The following CFAP47 variants were observed in gnomAD, a reference collection of about 807,000 sequenced individuals.
The protein encoded by CFAP47 is cilia- and flagella-associated protein 47.
A neutral mutation model predicts 148.1 loss-of-function variants in CFAP47; 29 were observed. That is an observed-to-expected ratio of 0.20 (90% CI 0.15 to 0.27). The LOEUF (loss-of-function observed/expected upper bound fraction) is 0.27. Ranked by LOEUF, CFAP47 falls within the 10% of genes least tolerant of loss-of-function variation. The probability of loss-of-function intolerance (pLI) is 1.00; values close to 1 mark genes in which losing one functional copy is unlikely to be tolerated. For synonymous variants in CFAP47, 664 were observed against 577.3 expected (o/e 1.15, Z -2.15); for missense variants, 1,872 against 1,697.5 (o/e 1.10, Z -1.81).
chrX:36,202,615 C>T (rs924544998), intron 44 of CFAP47, among the ~76,000 whole-genome samples: 4 of 111,556 alleles, frequency 3.6e-5, no homozygotes, highest in Non-Finnish European at 7.5e-5. Flanking sequence ...TGGTGTCTCA[C>T]GCCTGTAATC....
intron 40 of CFAP47, among the ~76,000 whole-genome samples, chrX:36,185,590 A>G (rs1939797946): frequency 8.9e-6 from 1 of 112,223 alleles, no homozygotes; most frequent in Non-Finnish European, 1.9e-5. Flanking sequence ...TAAACACATA[A>G]GATAAGATGT....
chrX:36,281,346 T>C (rs782412077), intron 50 of CFAP47, among the ~76,000 whole-genome samples: 2 of 112,509 alleles, frequency 1.8e-5, no homozygotes, highest in South Asian at 7.3e-4. Context: ...TGTCTGTATT[T>C]GTGTGTCTGT....
At chrX:36,017,462 G>A (rs1440820325) in intron 22 of CFAP47, among the ~76,000 whole-genome samples, 1 of 112,014 alleles carries the variant, frequency 8.9e-6, no homozygotes, top group Non-Finnish European at 1.9e-5. Context: ...ATTTTTGCCT[G>A]GACCAATGTC....
At chrX:36,035,648 C>G (rs1157413259) in intron 23 of CFAP47, 47 bp from the exon 24 acceptor site, 1 of 288,473 alleles carries the variant, frequency 3.5e-6, no homozygotes, top group Non-Finnish European at 6.1e-6. Flanking sequence ...CTTTAGATTG[C>G]ATGCTATAAT....
At chrX:36,204,321 A>G (rs1425442471) in intron 44 of CFAP47, among the ~76,000 whole-genome samples, 9 of 110,958 alleles carry the variant, frequency 8.1e-5, no homozygotes, top group African/African-American at 2.6e-4. Context: ...TCAGCAAACT[A>G]TCGCAAGAAC....
chrX:36,167,724 GAAACTAA>G (rs1344008059), intron 39 of CFAP47, among the ~76,000 whole-genome samples: 1 of 111,822 alleles, frequency 8.9e-6, no homozygotes, highest in Non-Finnish European at 1.9e-5. Context: ...AAAACAGTCT[GAAACTAA>G]GTTTCTTTTT....
At chrX:36,068,291 C>A (rs749545531) in intron 27 of CFAP47, among the ~76,000 whole-genome samples, 1 of 112,110 alleles carries the variant, frequency 8.9e-6, no homozygotes, top group East Asian at 2.8e-4. Flanking sequence ...TGTCATAGCC[C>A]TTACTACATT....
chrX:36,325,275 A>G (rs1941509077), intron 57 of CFAP47, among the ~76,000 whole-genome samples: 1 of 111,593 alleles, frequency 9.0e-6, no homozygotes, highest in African/African-American at 3.3e-5. Flanking sequence ...TTACAACACT[A>G]TAAGATAAAT....
chrX:35,919,743 C>T lies in CFAP47; in HGVS notation c.-57C>T. 8.7e-7 allele frequency: 1 copy of T among 1,151,538 alleles called. No homozygotes were observed. The highest frequency in any genetic ancestry group is 2.0e-5 in the South Asian group (1 of 49,348). The allele number at this position is 1,151,538 out of a possible 1,213,427, so 94.9% of individuals were successfully genotyped here. A position where few individuals can be genotyped will look rare whatever the true frequency, so the allele number is the denominator to read the frequency against. On this transcript the variant is annotated 5_prime_UTR_variant, in exon 1 of 64. It adds an upstream start codon to the 5' untranslated region. Coordinates refer to ENST00000378653, the MANE Select transcript of CFAP47 (RefSeq NM_001304548.2). ...ATGGTTGCCTAGCGACGGTCGTCGA[C>T]GCTAATCCTTGGCCGGACGGATCCA... is the stretch of plus-strand genomic sequence containing the variant.
chrX:36,251,238 CT>C (rs1381941275), intron 48 of CFAP47, 94 bp from the exon 49 acceptor site: 7 of 297,607 alleles, frequency 2.4e-5, no homozygotes, highest in African/African-American at 1.9e-4. Context: ...TCAGTTTGTT[CT>C]ATGCTTTAAC....
Position 36,033,469 on chromosome X carries a change from A to AG in CFAP47, c.3651+2122_3651+2123insG, listed in dbSNP as rs750192335. Among the ~76,000 whole-genome samples, 594 of 112,072 alleles carry AG rather than the reference A, an allele frequency of 5.3e-3. 6 individuals carry two copies. Among genetic ancestry groups the AG allele is most frequent in the African/African-American group, 0.018 (568 of 30,998 alleles). Reference sequence around the variant, plus strand: ...TTCTCAGAATTATAAGATATAGAAGATAGATAGTATTTTGGAAGTATAATA... The same window carrying AG: ...TTCTCAGAATTATAAGATATAGAAGAGTAGATAGTATTTTGGAAGTATAATA... On this transcript the variant is annotated intron_variant, in intron 23 of 63. Coordinates refer to ENST00000378653, the MANE Select transcript of CFAP47 (RefSeq NM_001304548.2).
chrX:36,264,579 C>T (rs1209006738), intron 49 of CFAP47, among the ~76,000 whole-genome samples: 1 of 111,811 alleles, frequency 8.9e-6, no homozygotes, highest in Non-Finnish European at 1.9e-5. Flanking sequence ...TGCTTCTCCT[C>T]CTCCAGCACC....
chrX:36,136,449 A>G (rs1455878464), intron 33 of CFAP47, among the ~76,000 whole-genome samples: 2 of 110,627 alleles, frequency 1.8e-5, no homozygotes, highest in African/African-American at 6.5e-5. Context: ...TTTTCAGATC[A>G]AAAGTTATCA....
intron 48 of CFAP47, among the ~76,000 whole-genome samples, chrX:36,244,146 G>T (rs781911552): frequency 8.1e-5 from 9 of 111,004 alleles, no homozygotes; most frequent in Non-Finnish European, 1.7e-4. Flanking sequence ...GCTGGGTAAA[G>T]TTAAAAATTA....
intron 29 of CFAP47, among the ~76,000 whole-genome samples, chrX:36,084,907 A>G (rs997096904): frequency 4.5e-5 from 5 of 111,718 alleles, no homozygotes; most frequent in Non-Finnish European, 7.5e-5. Flanking sequence ...TTTGAAATCT[A>G]TCTTGGAAAC....
chrX:36,378,118 C>G (rs1024885082), intron 62 of CFAP47, among the ~76,000 whole-genome samples: 1 of 111,846 alleles, frequency 8.9e-6, no homozygotes, highest in Non-Finnish European at 1.9e-5. Context: ...GAGTATCACT[C>G]CTGTCAATTT....
chrX:36,260,165 A>C (rs782176817), intron 49 of CFAP47, among the ~76,000 whole-genome samples: 3 of 111,036 alleles, frequency 2.7e-5, no homozygotes, highest in Non-Finnish European at 5.7e-5. Flanking sequence ...TGTCTTTGTT[A>C]TTGTGAATAG....
At chrX:36,225,444 T>A (rs1940259665) in intron 45 of CFAP47, among the ~76,000 whole-genome samples, 1 of 111,517 alleles carries the variant, frequency 9.0e-6, no homozygotes, top group Admixed American at 9.6e-5. Flanking sequence ...CATCATTGTC[T>A]TCTTTCAACT....
chrX:36,219,410 T>G (rs1294951364), intron 45 of CFAP47, among the ~76,000 whole-genome samples: 1 of 111,523 alleles, frequency 9.0e-6, no homozygotes, highest in African/African-American at 3.3e-5. Context: ...AACCTCCCTT[T>G]CCATCATGGC....
Sources: gnomAD v4.1 joint callset for allele counts (sites outside exome capture counted in the v4.1 genomes callset) on GRCh38, gnomAD v4.1.1 for gene constraint, MANE v1.5 for transcripts, NCBI Gene and HGNC (gene_info 2026-07-23, HGNC 2026-07-21) for gene names.